XRCC4: variants seen among roughly 807,000 people sequenced by gnomAD.
The protein encoded by XRCC4 is X-ray repair cross complementing 4, also known as DNA repair protein XRCC4.
XRCC4 carries 28 observed loss-of-function variants against 39.1 expected under a neutral mutation model. The observed-to-expected ratio is 0.72, with a 90% CI of 0.53 to 0.98. The LOEUF is 0.98. Ranked by LOEUF, XRCC4 falls within the 50% of genes least tolerant of loss-of-function variation. The pLI is 0.00. For missense variants in XRCC4, 350 were observed against 376.4 expected (o/e 0.93, Z 0.58); for synonymous variants, 123 against 126.4 (o/e 0.97, Z 0.18).
intron 3 of XRCC4, among the ~76,000 whole-genome samples, chr5:83,131,681 T>A (rs1747591933): frequency 6.6e-6 from 1 of 152,168 alleles, no homozygotes; most frequent in Non-Finnish European, 1.5e-5. Context: ...GTCTGTTTTA[T>A]CAGAGACTAG....
chr5:83,347,388 G>GAAACATGGCTGAGAAGC (rs1261707346), intron 7 of XRCC4, among the ~76,000 whole-genome samples: 1 of 152,170 alleles, frequency 6.6e-6, no homozygotes, highest in East Asian at 1.9e-4. Flanking sequence ...GGGTGTGCAG[G>GAAACATGGCTGAGAAGC]CTTATGCTGC....
chr5:83,242,714 G>A (rs903296233), intron 6 of XRCC4, among the ~76,000 whole-genome samples: 3 of 152,010 alleles, frequency 2.0e-5, no homozygotes, highest in African/African-American at 4.8e-5. Flanking sequence ...TCCCATCACC[G>A]AGGCCCTTTT....
intron 3 of XRCC4, among the ~76,000 whole-genome samples, chr5:83,142,150 C>T (rs2112522260): frequency 6.6e-6 from 1 of 152,222 alleles, no homozygotes; most frequent in Admixed American, 6.5e-5. Context: ...GCCTTGTTGT[C>T]ATATTTCCCT....
intron 7 of XRCC4, among the ~76,000 whole-genome samples, chr5:83,326,139 A>G (rs1179839096): frequency 1.3e-5 from 2 of 151,916 alleles, no homozygotes; most frequent in African/African-American, 4.8e-5. Flanking sequence ...TTCCTTGTAG[A>G]CTCTGGATAT....
At position 83,166,630 on chromosome 5, in the gene XRCC4, A is replaced by ATTT. The variant is rs549500319; in HGVS notation, c.316-29124_316-29122dup. On this transcript the variant is annotated intron_variant, in intron 3 of 7. Transcript: ENST00000396027. Reference sequence around the variant, plus strand: ...AAACATGTGCCACCACGCCTAGCTAATTTTTTTTTTTTTTTTTTGTAATTT... The same window carrying ATTT: ...AAACATGTGCCACCACGCCTAGCTAATTTTTTTTTTTTTTTTTTTTTGTAATTT... Among the ~76,000 whole-genome samples, 57 of 135,148 alleles carry ATTT rather than the reference A, an allele frequency of 4.2e-4. 1 individual carries two copies. The highest frequency in any genetic ancestry group is 3.9e-3 in the Middle Eastern group (1 of 254). The allele number at this position is 135,148 out of a possible 152,430, so 88.7% of individuals were successfully genotyped here.
At chr5:83,328,025 T>G (rs1021803262) in intron 7 of XRCC4, among the ~76,000 whole-genome samples, 10 of 152,032 alleles carry the variant, frequency 6.6e-5, no homozygotes, top group Non-Finnish European at 1.5e-4. Flanking sequence ...TGCCTGAGAT[T>G]GGGAAGAAAA....
At chr5:83,322,631 C>T (rs1756114978) in intron 7 of XRCC4, among the ~76,000 whole-genome samples, 1 of 152,056 alleles carries the variant, frequency 6.6e-6, no homozygotes, top group African/African-American at 2.4e-5. Context: ...AAAGTAAGCC[C>T]AAATACAATT....
intron 7 of XRCC4, among the ~76,000 whole-genome samples, chr5:83,271,958 A>G (rs1453537920): frequency 6.6e-6 from 1 of 152,204 alleles, no homozygotes; most frequent in African/African-American, 2.4e-5. Context: ...CATGGAAAAC[A>G]AATAGCCATA....
chr5:83,199,249 G>A (rs1751075255), intron 4 of XRCC4, among the ~76,000 whole-genome samples: 1 of 152,134 alleles, frequency 6.6e-6, no homozygotes, highest in South Asian at 2.1e-4. Flanking sequence ...TTTAAGAACT[G>A]TCGCAGTCAG....
intron 3 of XRCC4, among the ~76,000 whole-genome samples, chr5:83,163,054 A>G (rs1749296938): frequency 2.0e-5 from 3 of 150,924 alleles, no homozygotes; most frequent in Non-Finnish European, 4.4e-5. Context: ...AGTTCAAGCA[A>G]TTCTGCCTCA....
chr5:83,125,028 C>CT (rs1266152383), intron 3 of XRCC4, among the ~76,000 whole-genome samples: 2 of 152,188 alleles, frequency 1.3e-5, no homozygotes, highest in African/African-American at 4.8e-5. Context: ...TTTAGCCATT[C>CT]TAATAGGTGT....
intron 1 of XRCC4, among the ~76,000 whole-genome samples, chr5:83,093,100 G>T (rs531810446): frequency 6.6e-6 from 1 of 151,922 alleles, no homozygotes; most frequent in East Asian, 1.9e-4. Flanking sequence ...GACACATATA[G>T]ACTGAAAGTG....
intron 6 of XRCC4, among the ~76,000 whole-genome samples, chr5:83,214,321 C>G (rs1050739740): frequency 1.3e-5 from 2 of 152,136 alleles, no homozygotes; most frequent in Admixed American, 6.5e-5. Flanking sequence ...CACTAAAAAA[C>G]TCTTAGAGCT....
chr5:83,177,313 T>C (rs73132588), intron 3 of XRCC4, among the ~76,000 whole-genome samples: 4,953 of 152,244 alleles, frequency 0.033, 271 homozygotes, highest in African/African-American at 0.11. Context: ...AGAAAAGCTT[T>C]AGTTTTAGCA....
chr5:83,290,241 A>G (rs1020109201), intron 7 of XRCC4, among the ~76,000 whole-genome samples: 4 of 151,838 alleles, frequency 2.6e-5, no homozygotes, highest in Admixed American at 1.3e-4. Flanking sequence ...AGAAAAGATT[A>G]TCTTTACGTA....
At chr5:83,096,673 G>A (rs1745692862) in intron 1 of XRCC4, among the ~76,000 whole-genome samples, 1 of 152,118 alleles carries the variant, frequency 6.6e-6, no homozygotes, top group Non-Finnish European at 1.5e-5. Context: ...TATTGTAGGT[G>A]TACACATATA....
intron 6 of XRCC4, among the ~76,000 whole-genome samples, chr5:83,252,460 CTT>C (rs879759890): frequency 6.9e-6 from 1 of 143,978 alleles, no homozygotes. Context: ...ATTTATCTTA[CTT>C]TTTTTTTTTG....
chr5:83,105,059 G>T lies in XRCC4; in HGVS notation c.139+1G>T. 6.3e-7 allele frequency: 1 copy of T among 1,598,408 alleles called. No homozygotes were observed. Among genetic ancestry groups the T allele is most frequent in the Non-Finnish European group, 8.5e-7 (1 of 1,175,284 alleles). On this transcript the variant is annotated splice_donor_variant, in intron 2 of 7. Transcript: ENST00000396027. LOFTEE classifies it high-confidence loss of function. ...GGTCATTCAGCATGGACTGGGACAG[G>T]TAATACTAAAAACAAAGTTTTTATA...
intron 3 of XRCC4, among the ~76,000 whole-genome samples, chr5:83,125,958 G>C (rs139630689): frequency 0.015 from 2,164 of 140,676 alleles, 62 homozygotes; most frequent in African/African-American, 0.055. Flanking sequence ...ACTCTAGCCT[G>C]GGCAAAAAGA....
Sources: gnomAD v4.1 joint callset for allele counts (sites outside exome capture counted in the v4.1 genomes callset) on GRCh38, gnomAD v4.1.1 for gene constraint, MANE v1.5 for transcripts, NCBI Gene and HGNC (gene_info 2026-07-23, HGNC 2026-07-21) for gene names.